EPHA10: variants seen among roughly 807,000 people sequenced by gnomAD.
EPHA10 encodes EPH receptor A10.
EPHA10 carries 120 observed loss-of-function variants against 109.7 expected under a neutral mutation model. That is an observed-to-expected ratio of 1.09 (90% CI 0.94 to 1.27). EPHA10 has a LOEUF of 1.27. Among genes scored for constraint, EPHA10 ranks in the 50% most tolerant of loss-of-function variants. The pLI is 0.00. For missense variants in EPHA10, 1,396 were observed against 1,411.1 expected (o/e 0.99, Z 0.17); for synonymous variants, 640 against 618.9 (o/e 1.03, Z -0.51).
At chr1:37,735,497 G>T in intron 5 of EPHA10, 107 bp from the exon 6 acceptor site, 3 of 1,352,040 alleles carry the variant, frequency 2.2e-6, no homozygotes, top group Non-Finnish European at 3.0e-6. Flanking sequence ...GGACTAGAGA[G>T]GCCTGGGGCG....
At chr1:37,762,727 A>G in intron 2 of EPHA10, 58 bp downstream of exon 2, 1 of 1,456,424 alleles carries the variant, frequency 6.9e-7, no homozygotes, top group Non-Finnish European at 9.3e-7. Flanking sequence ...AGCTGAGGAG[A>G]CTGTGTCCTG....
rs61125766 is a variant in EPHA10 at position 37,740,698 on chromosome 1, C to CACACACAT, written c.1358-5316_1358-5309dup. Among the ~76,000 whole-genome samples, 1,310 of 152,176 alleles carry CACACACAT rather than the reference C, an allele frequency of 8.6e-3. 16 individuals carry two copies. Among genetic ancestry groups the CACACACAT allele is most frequent in the African/African-American group, 0.029 (1,221 of 41,510 alleles). The stretch of plus-strand genomic sequence containing the variant: ...ATGATGTCAGATGAACAGCAGCATA[C>CACACACAT]ACACACATACACACATATACGGGAG... On this transcript the variant is annotated intron_variant, in intron 5 of 16. Transcript: ENST00000373048.
chr1:37,721,439 AAAAG>A (rs919748022), intron 11 of EPHA10, among the ~76,000 whole-genome samples: 8 of 151,278 alleles, frequency 5.3e-5, no homozygotes, highest in South Asian at 2.1e-4. Flanking sequence ...AAAAAAAAAA[AAAAG>A]AAAGAAAGAA....
chr1:37,740,462 C>T (rs888441932), intron 5 of EPHA10, among the ~76,000 whole-genome samples: 1 of 152,008 alleles, frequency 6.6e-6, no homozygotes, highest in African/African-American at 2.4e-5. Context: ...CCCGCCACCA[C>T]GCCCAGCTAA....
chr1:37,756,785 G>A (rs755860567), intron 3 of EPHA10: 2 of 152,426 alleles, frequency 1.3e-5, no homozygotes, highest in Non-Finnish European at 2.9e-5. Context: ...GAACATATCT[G>A]CTTGGGTCCC....
At chr1:37,727,770 A>G (rs116769660) in intron 7 of EPHA10, among the ~76,000 whole-genome samples, 1 of 152,366 alleles carries the variant, frequency 6.6e-6, no homozygotes, top group African/African-American at 2.4e-5. Context: ...ATGGCTAAAA[A>G]GTGGTGAACC....
chr1:37,731,155 T>C (rs1311325681), intron 7 of EPHA10, among the ~76,000 whole-genome samples: 2 of 152,232 alleles, frequency 1.3e-5, no homozygotes, highest in African/African-American at 2.4e-5. Context: ...ACATGGGTTA[T>C]AGCTGTTCAC....
At position 37,731,545 on chromosome 1, in the gene EPHA10, CCT is replaced by C. The variant is rs1176007107; in HGVS notation, c.1527_1528del (p.Pro512HisfsTer32). 6.2e-7 allele frequency: 1 copy of C among 1,613,840 alleles called. No homozygotes were observed. Among genetic ancestry groups the C allele is most frequent in the East Asian group, 2.2e-5 (1 of 44,852 alleles). ...GTTGGTGACGGTGACTGTGGGCGCC[CCT>C]GTCTTCACCATGGAGTAAGTCTGCT... On this transcript the variant is annotated frameshift_variant, in exon 7 of 17. Coordinates refer to ENST00000373048, the MANE Select transcript of EPHA10 (RefSeq NM_001099439.2). LOFTEE classifies it high-confidence loss of function.
intron 3 of EPHA10, chr1:37,760,170 T>TTTTTAAA: frequency 1.7e-6 from 1 of 601,094 alleles, no homozygotes; most frequent in Non-Finnish European, 2.1e-6. Flanking sequence ...CCTCTTGTGA[T>TTTTTAAA]TTTTAAATTT....
rs1645763273 is a variant in EPHA10 at position 37,720,043 on chromosome 1, C to G, written c.2428G>C (p.Ala810Pro). 6.2e-7 allele frequency: 1 copy of G among 1,613,512 alleles called. No individual in the cohort carries two copies. Among genetic ancestry groups the G allele is most frequent in the African/African-American group, 1.3e-5 (1 of 75,026 alleles). ...VYTTMSGRSPALWAAPETLQF... is the reference protein window; with the variant it reads ...VYTTMSGRSPPLWAAPETLQF... ...AGTGTCTCGGGAGCGGCCCATAGCG[C>G]TGGGCTCCGGCCACTCTGTAGGGGC... Residue 810 changes from alanine to proline, a missense_variant, in exon 14 of 17, where the codon GCG becomes CCG. Coordinates refer to ENST00000373048, the MANE Select transcript of EPHA10 (RefSeq NM_001099439.2).
intron 5 of EPHA10, among the ~76,000 whole-genome samples, chr1:37,739,269 G>C (rs1002101207): frequency 6.6e-6 from 1 of 152,104 alleles, no homozygotes; most frequent in African/African-American, 2.4e-5. Flanking sequence ...AATGAACCTC[G>C]AAGACACTAT....
In EPHA10 at chr1:37,754,509, T is replaced by C; in HGVS notation, c.851-139A>G. The C allele has an allele frequency of 1.3e-6, 1 of 761,794 alleles. No homozygotes were observed. The highest frequency in any genetic ancestry group is 1.8e-6 in the Non-Finnish European group (1 of 555,628). 47.2% of individuals were successfully genotyped at this position (761,794 alleles called of 1,614,324 possible). On this transcript the variant is annotated intron_variant, in intron 3 of 16. Coordinates refer to ENST00000373048, the MANE Select transcript of EPHA10 (RefSeq NM_001099439.2). This position sits in a 1 kb window ranked among gnomAD's most constrained non-coding sequence, Gnocchi z 4.5. Reference sequence around the variant, plus strand: ...GGGACTCAGCCACTCCAGTCAGCACTGCCCCGTGGAGTGACTCCTGAACAA... The same window carrying C: ...GGGACTCAGCCACTCCAGTCAGCACCGCCCCGTGGAGTGACTCCTGAACAA...
At position 37,720,425 on chromosome 1, in the gene EPHA10, T is replaced by C. The variant is rs1645771338; in HGVS notation, c.2338A>G (p.Ser780Gly). ...CCAGAGATCTTGCAGACAAGGTCGC[T>C]GCTGACCAGCACATGGCGAGCTGCC... Reference protein sequence around the residue: ...GLAARHVLVSSDLVCKISGFG... With the variant: ...GLAARHVLVSGDLVCKISGFG... Residue 780 changes from serine to glycine, a missense_variant, in exon 13 of 17, where the codon AGC becomes GGC. By Grantham distance (56) the Ser-to-Gly change is moderately conservative. Coordinates refer to ENST00000373048, the MANE Select transcript of EPHA10 (RefSeq NM_001099439.2). 5.0e-6 allele frequency: 8 copies of C among 1,613,540 alleles called. No individual in the cohort carries two copies. Among genetic ancestry groups the C allele is most frequent in the Non-Finnish European group, 5.9e-6 (7 of 1,180,012 alleles).
intron 10 of EPHA10, among the ~76,000 whole-genome samples, chr1:37,722,470 C>T (rs556214089): frequency 2.6e-5 from 4 of 152,290 alleles, no homozygotes; most frequent in Admixed American, 2.6e-4. Context: ...AAGCAGCTAC[C>T]GTCTCTGAGC....
At chr1:37,732,853 T>C (rs1646006850) in intron 6 of EPHA10, among the ~76,000 whole-genome samples, 1 of 129,422 alleles carries the variant, frequency 7.7e-6, no homozygotes, top group Non-Finnish European at 1.6e-5. Context: ...ATAGCCCTTT[T>C]ATACTTGTTC....
At chr1:37,740,270 G>T (rs1280959558) in intron 5 of EPHA10, among the ~76,000 whole-genome samples, 1 of 151,792 alleles carries the variant, frequency 6.6e-6, no homozygotes, top group Non-Finnish European at 1.5e-5. Flanking sequence ...GGAGCTCAGG[G>T]ATTAGTTGCT....
chr1:37,754,468 A>G lies in EPHA10; in HGVS notation c.851-98T>C, dbSNP rs1646376577. The stretch of plus-strand genomic sequence containing the variant: ...GCAGCGTTTATCTCCTCCAATTGCG[A>G]TAGAAAAACAGTCAGGGGACTCAGC... On this transcript the variant is annotated intron_variant, in intron 3 of 16. Coordinates refer to ENST00000373048, the MANE Select transcript of EPHA10 (RefSeq NM_001099439.2). The surrounding 1 kb of genome is among the most constrained non-coding windows in gnomAD (Gnocchi z 4.5). 3 of 1,156,130 alleles carry G rather than the reference A, an allele frequency of 2.6e-6. No individual in the cohort carries two copies. Among genetic ancestry groups the G allele is most frequent in the African/African-American group, 1.6e-5 (1 of 62,778 alleles). 71.6% of individuals were successfully genotyped at this position (1,156,130 alleles called of 1,614,324 possible). A position where few individuals can be genotyped will look rare whatever the true frequency, so the allele number is the denominator to read the frequency against.
chr1:37,724,974 C>CA (rs1645864047), intron 8 of EPHA10, among the ~76,000 whole-genome samples: 1 of 152,070 alleles, frequency 6.6e-6, no homozygotes, highest in African/African-American at 2.4e-5. Flanking sequence ...AGTGGGCTCC[C>CA]AAGATGGCAA....
At chr1:37,752,817 A>C (rs990529196) in intron 5 of EPHA10, 59 bp downstream of exon 5, 10 of 1,169,264 alleles carry the variant, frequency 8.6e-6, no homozygotes, top group Non-Finnish European at 9.6e-6. Flanking sequence ...GGCGGCCCCA[A>C]GAGGGCGCAG....
Sources: gnomAD v4.1 joint callset for allele counts (sites outside exome capture counted in the v4.1 genomes callset) on GRCh38, gnomAD v4.1.1 for gene constraint, Gnocchi (gnomAD v3.1) non-coding constraint, MANE v1.5 for transcripts, NCBI Gene and HGNC (gene_info 2026-07-23, HGNC 2026-07-21) for gene names.